FAM13A: variants seen among roughly 807,000 people sequenced by gnomAD.
FAM13A encodes family with sequence similarity 13 member A.
Under a neutral mutation model 129.6 loss-of-function variants are expected in FAM13A, and 76 were observed. The ratio of observed to expected loss-of-function variants is 0.59; its 90% CI spans 0.49 to 0.71. The LOEUF is 0.71. FAM13A is among the 30% of genes least tolerant of loss of function. The probability of loss-of-function intolerance (pLI) is 0.00; values close to 1 mark genes in which losing one functional copy is unlikely to be tolerated. For missense variants in FAM13A, 1,108 were observed against 1,249.3 expected, an observed-to-expected ratio of 0.89 and a Z score of 1.70; for synonymous variants, 443 against 449.9, an observed-to-expected ratio of 0.98 and a Z score of 0.20.
intron 6 of FAM13A, among the ~76,000 whole-genome samples, chr4:88,895,646 G>A (rs1746165883): frequency 7.2e-6 from 1 of 139,808 alleles, no homozygotes; most frequent in Admixed American, 7.5e-5. Flanking sequence ...AGACATTTAT[G>A]CAGCCAAAAA....
chr4:88,739,022 C>T lies in FAM13A; in HGVS notation c.2562+8G>A, dbSNP rs779526161. 7 of 1,592,056 alleles carry T rather than the reference C, an allele frequency of 4.4e-6. 1 individual carries two copies. The highest frequency in any genetic ancestry group is 6.0e-6 in the Non-Finnish European group (7 of 1,160,088). ...GTTGTACCAGCCACGGGAAGGTATT[C>T]TACTCACAATGATGGGTATGGTGTT... On this transcript the variant is annotated splice_region_variant and intron_variant, in intron 20 of 23. Transcript: ENST00000264344.
At chr4:88,744,046 A>C (rs1021001383) in intron 19 of FAM13A, among the ~76,000 whole-genome samples, 2 of 152,214 alleles carry the variant, frequency 1.3e-5, no homozygotes, top group African/African-American at 4.8e-5. Flanking sequence ...ATAGACAGTA[A>C]AAAGATCAGA....
intron 6 of FAM13A, among the ~76,000 whole-genome samples, chr4:88,869,289 G>A (rs1740962768): frequency 6.6e-6 from 1 of 152,140 alleles, no homozygotes; most frequent in Non-Finnish European, 1.5e-5. Flanking sequence ...AATTACAGTT[G>A]TCCCTGTTTA....
At chr4:89,003,015 AAC>A (rs1261824616) in intron 3 of FAM13A, among the ~76,000 whole-genome samples, 1 of 152,160 alleles carries the variant, frequency 6.6e-6, no homozygotes, top group Non-Finnish European at 1.5e-5. Flanking sequence ...TAGGAAGGAT[AAC>A]ACAAGAAAAT....
chr4:88,750,390 T>G lies in FAM13A; in HGVS notation c.1940+34A>C, dbSNP rs200834935. Reference sequence around the variant, plus strand: ...CTCTTTTCTGATGTTGTGGGGATGATGCATTTGTCTATCAGCAACACAGAG... The same window carrying G: ...CTCTTTTCTGATGTTGTGGGGATGAGGCATTTGTCTATCAGCAACACAGAG... On this transcript the variant is annotated intron_variant, in intron 15 of 23. Coordinates refer to ENST00000264344, the MANE Select transcript of FAM13A (RefSeq NM_014883.4). 2.0e-6 allele frequency: 3 copies of G among 1,513,360 alleles called. No homozygotes were observed. The African/African-American group carries it at 4.1e-5, about 21-fold the overall frequency. The allele number at this position is 1,513,360 out of a possible 1,614,324, so 93.7% of individuals were successfully genotyped here. A position where few individuals can be genotyped will look rare whatever the true frequency, so the allele number is the denominator to read the frequency against.
chr4:88,894,180 A>T (rs1745885279), intron 6 of FAM13A, among the ~76,000 whole-genome samples: 1 of 152,252 alleles, frequency 6.6e-6, no homozygotes, highest in Admixed American at 6.5e-5. Flanking sequence ...GACAAGTTAA[A>T]GATGCACATG....
chr4:88,827,758 A>C (rs1462345199), intron 7 of FAM13A, among the ~76,000 whole-genome samples: 1 of 152,168 alleles, frequency 6.6e-6, no homozygotes, highest in Admixed American at 6.5e-5. Context: ...AACGTTCAAA[A>C]TATTCTTTCT....
At chr4:88,910,752 C>T (rs993738801) in intron 5 of FAM13A, among the ~76,000 whole-genome samples, 3 of 151,600 alleles carry the variant, frequency 2.0e-5, no homozygotes, top group South Asian at 2.1e-4. Flanking sequence ...TGGGTTCAAG[C>T]GATTCTCCTG....
At chr4:88,907,734 A>G (rs946155715) in intron 5 of FAM13A, among the ~76,000 whole-genome samples, 1 of 152,320 alleles carries the variant, frequency 6.6e-6, no homozygotes, top group South Asian at 2.1e-4. Flanking sequence ...TCTGTAAAAC[A>G]TTAGGGCCTG....
intron 4 of FAM13A, among the ~76,000 whole-genome samples, chr4:88,952,477 T>C (rs568322652): frequency 6.6e-6 from 1 of 152,346 alleles, no homozygotes; most frequent in South Asian, 2.1e-4. Flanking sequence ...CCCAGCTTCA[T>C]GCTATTTGAC....
intron 7 of FAM13A, among the ~76,000 whole-genome samples, chr4:88,832,316 C>T (rs959083542): frequency 2.6e-5 from 4 of 152,150 alleles, no homozygotes; most frequent in Non-Finnish European, 5.9e-5. Context: ...CCATTCAGGA[C>T]ATAGGCATGG....
chr4:88,949,195 G>A (rs1756499099), intron 4 of FAM13A, among the ~76,000 whole-genome samples: 1 of 152,070 alleles, frequency 6.6e-6, no homozygotes. Flanking sequence ...AATAAAAAAA[G>A]CCTAATAAGT....
chr4:88,960,476 T>C (rs1758428980), intron 4 of FAM13A, among the ~76,000 whole-genome samples: 1 of 152,232 alleles, frequency 6.6e-6, no homozygotes, highest in Non-Finnish European at 1.5e-5. Flanking sequence ...AAGTAATCCC[T>C]TGGTTCTACT....
intron 1 of FAM13A, among the ~76,000 whole-genome samples, chr4:89,044,171 T>C (rs1030862244): frequency 5.9e-5 from 9 of 151,432 alleles, no homozygotes; most frequent in African/African-American, 1.9e-4. Context: ...GGGAAAATAT[T>C]TGCAATTCAT....
At chr4:88,959,549 A>G (rs750092982) in intron 4 of FAM13A, among the ~76,000 whole-genome samples, 1 of 152,196 alleles carries the variant, frequency 6.6e-6, no homozygotes, top group South Asian at 2.1e-4. Flanking sequence ...TGCTATAATT[A>G]TAAGTTTCCT....
intron 13 of FAM13A, among the ~76,000 whole-genome samples, chr4:88,759,896 A>G (rs1313584313): frequency 6.6e-6 from 1 of 152,220 alleles, no homozygotes; most frequent in Non-Finnish European, 1.5e-5. Context: ...TGTAAATTCA[A>G]CCATTGTCAC....
chr4:88,800,874 G>A (rs954051239), intron 8 of FAM13A, among the ~76,000 whole-genome samples: 3 of 152,004 alleles, frequency 2.0e-5, no homozygotes, highest in Admixed American at 6.6e-5. Flanking sequence ...CTTCTTAGTA[G>A]CCTAAAACAG....
chr4:88,771,854 C>T (rs1720744059), intron 11 of FAM13A, among the ~76,000 whole-genome samples: 1 of 152,098 alleles, frequency 6.6e-6, no homozygotes, highest in Non-Finnish European at 1.5e-5. Context: ...TTTGGGGTGT[C>T]AGAGGAACTA....
intron 23 of FAM13A, 79 bp from the exon 24 acceptor site, chr4:88,728,738 T>G: frequency 6.5e-7 from 1 of 1,542,608 alleles, no homozygotes; most frequent in Non-Finnish European, 8.9e-7. Context: ...CAAATTATCA[T>G]TGTTTAGAAA....
Sources: allele counts gnomAD v4.1 joint callset (sites outside exome capture counted in the v4.1 genomes callset), GRCh38; gene constraint gnomAD v4.1.1; transcripts MANE v1.5; gene names NCBI Gene and HGNC (gene_info 2026-07-23, HGNC 2026-07-21).